The following CELF2 variants were observed in gnomAD, a reference collection of about 807,000 sequenced individuals.
CELF2 encodes CUG triplet repeat RNA-binding protein 2.
Under a neutral mutation model 62.6 loss-of-function variants are expected in CELF2, and 8 were observed. The observed-to-expected ratio is 0.13, with a 90% CI of 0.07 to 0.23. The LOEUF (loss-of-function observed/expected upper bound fraction) is 0.23, where lower values mean the gene tolerates loss of function less well. Among genes scored for constraint, CELF2 ranks in the 10% least tolerant of loss-of-function variants. The pLI is 1.00. For missense variants in CELF2, 333 were observed against 671.0 expected, an observed-to-expected ratio of 0.50 and a Z score of 5.56; for synonymous variants, 258 against 250.0, an observed-to-expected ratio of 1.03 and a Z score of -0.30.
intron 11 of CELF2, among the ~76,000 whole-genome samples, chr10:11,323,430 T>TAATAAG (rs2095552957): frequency 7.3e-6 from 1 of 136,470 alleles, no homozygotes; most frequent in South Asian, 2.4e-4. Context: ...GCAAAAATAA[T>TAATAAG]AATAATAATA....
chr10:10,712,875 C>G, the CELF2 span, among the ~76,000 whole-genome samples: 1 of 152,198 alleles, frequency 6.6e-6, no homozygotes, highest in Non-Finnish European at 1.5e-5. Flanking sequence ...CTGGATGAAT[C>G]CAATCATCTC....
rs1003583580 is a variant in CELF2 at position 11,237,630 on chromosome 10, C to G, written c.355-11523C>G. ...GCATCTCCACACTGGGTGAGGGTTA[C>G]AAGGGAGGCTGGGGGTCAGCCACTC... On this transcript the variant is annotated intron_variant, in intron 3 of 12. Transcript: ENST00000633077. This position sits in a 1 kb window ranked among gnomAD's most constrained non-coding sequence, Gnocchi z 4.0. Among the ~76,000 whole-genome samples the G allele has an allele frequency of 1.3e-5, 2 of 152,184 alleles. No individual in the cohort carries two copies. Among genetic ancestry groups the G allele is most frequent in the African/African-American group, 4.8e-5 (2 of 41,440 alleles).
chr10:11,072,420 T>C (rs1303160202), intron 1 of CELF2, among the ~76,000 whole-genome samples: 4 of 152,346 alleles, frequency 2.6e-5, no homozygotes, highest in African/African-American at 9.6e-5. Context: ...TGGACTGTGT[T>C]TCCTGCATAT....
intron 2 of CELF2, among the ~76,000 whole-genome samples, chr10:11,182,102 G>C (rs1381927299): frequency 1.3e-5 from 2 of 152,228 alleles, no homozygotes; most frequent in Non-Finnish European, 2.9e-5. Flanking sequence ...TGTCATTGGA[G>C]TCTCTTGCCA....
intron 2 of CELF2, among the ~76,000 whole-genome samples, chr10:10,956,282 C>A (rs900994617): frequency 4.6e-5 from 7 of 152,212 alleles, no homozygotes; most frequent in African/African-American, 1.7e-4. Context: ...TGCTCTATTT[C>A]TTCAAGAGAG....
chr10:11,234,679 CAA>C (rs11387214), intron 3 of CELF2, among the ~76,000 whole-genome samples: 9,505 of 82,928 alleles, frequency 0.11, 437 homozygotes, highest in East Asian at 0.26. Context: ...GACTCCATCT[CAA>C]AAAAAAAAAA....
chr10:10,780,454 CGTTTGTTTGTTTGTTTGTTT>C, the CELF2 span, among the ~76,000 whole-genome samples: 3 of 148,958 alleles, frequency 2.0e-5, no homozygotes, highest in Non-Finnish European at 3.0e-5. Context: ...CAGAGGGAAA[CGTTTGTTTGTTTGTTTGTTT>C]GTTTGTTTGT....
At chr10:10,596,654 G>A in the CELF2 span, among the ~76,000 whole-genome samples, 1 of 152,188 alleles carries the variant, frequency 6.6e-6, no homozygotes, top group Non-Finnish European at 1.5e-5. Context: ...AGTCTTCTGG[G>A]GTGAGCGCCT....
At chr10:10,581,270 A>C in the CELF2 span, among the ~76,000 whole-genome samples, 1 of 152,328 alleles carries the variant, frequency 6.6e-6, no homozygotes. Context: ...CCTTTAGCTA[A>C]AATTTCTATA....
intron 1 of CELF2, chr10:11,096,503 ATCT>A (rs2049912974): frequency 6.6e-6 from 1 of 152,240 alleles, no homozygotes; most frequent in African/African-American, 2.4e-5. Context: ...CAAATTAAGT[ATCT>A]TAAATAAAAA....
At chr10:10,630,152 A>G in the CELF2 span, among the ~76,000 whole-genome samples, 1 of 152,064 alleles carries the variant, frequency 6.6e-6, no homozygotes, top group Non-Finnish European at 1.5e-5. Flanking sequence ...TTCCTTTAAC[A>G]CAGACCTATG....
At chr10:11,017,658 C>A (rs1226614086), upstream of CELF2, among the ~76,000 whole-genome samples, 5 of 152,204 alleles carry the variant, frequency 3.3e-5, no homozygotes, top group East Asian at 7.7e-4. This position sits in a 1 kb window ranked among gnomAD's most constrained non-coding sequence, Gnocchi z 5.5. Context: ...ACGGCGGCCT[C>A]TTGCCAGGGA....
Position 11,165,088 on chromosome 10 carries a change from T to C in CELF2, c.75-398T>C. ...GAGGGAGAGAAATCCAGCAGACATC[T>C]AGCTCTGCCTTTCTTTCCCAGCCAC... On this transcript the variant is annotated intron_variant, in intron 1 of 12. Transcript: ENST00000633077. This position sits in a 1 kb window ranked among gnomAD's most constrained non-coding sequence, Gnocchi z 7.4. 1.0e-6 allele frequency: 1 copy of C among 996,930 alleles called. No individual in the cohort carries two copies. Among genetic ancestry groups the C allele is most frequent in the Non-Finnish European group, 1.2e-6 (1 of 836,818 alleles). 61.8% of individuals were successfully genotyped at this position (996,930 alleles called of 1,614,324 possible).
the CELF2 span, among the ~76,000 whole-genome samples, chr10:10,782,813 G>A: frequency 3.3e-5 from 5 of 152,170 alleles, no homozygotes; most frequent in South Asian, 2.1e-4. Context: ...CTCAGCCATC[G>A]TGCCCCCTGG....
At chr10:10,608,810 G>C in the CELF2 span, among the ~76,000 whole-genome samples, 48 of 152,248 alleles carry the variant, frequency 3.2e-4, 1 homozygote, top group East Asian at 8.9e-3. Flanking sequence ...TTCCTCCGTC[G>C]AGAGTAGTGA....
the CELF2 span, among the ~76,000 whole-genome samples, chr10:10,508,660 A>ATG: frequency 0.018 from 2,461 of 140,332 alleles, 27 homozygotes; most frequent in Non-Finnish European, 0.025. Context: ...TCTTAAACAG[A>ATG]TGTGTGTGTG....
At chr10:10,782,033 A>G in the CELF2 span, among the ~76,000 whole-genome samples, 1 of 152,232 alleles carries the variant, frequency 6.6e-6, no homozygotes, top group African/African-American at 2.4e-5. Context: ...GATGATTTAA[A>G]GTATAAGGGA....
upstream of CELF2, among the ~76,000 whole-genome samples, chr10:11,013,542 G>A (rs565670427): frequency 6.6e-6 from 1 of 152,068 alleles, no homozygotes; most frequent in African/African-American, 2.4e-5. The surrounding 1 kb of genome is among the most constrained non-coding windows in gnomAD (Gnocchi z 4.1). Context: ...ATGTATTCTG[G>A]CTCTATGAAA....
intron 1 of CELF2, among the ~76,000 whole-genome samples, chr10:10,905,892 A>G (rs188717657): frequency 5.2e-4 from 79 of 151,074 alleles, no homozygotes; most frequent in African/African-American, 1.7e-3. Context: ...AAGAAAAAAA[A>G]AAAAAGAAAA....
Sources: gnomAD v4.1 joint callset for allele counts (sites outside exome capture counted in the v4.1 genomes callset) on GRCh38, gnomAD v4.1.1 for gene constraint, Gnocchi (gnomAD v3.1) non-coding constraint, MANE v1.5 for transcripts, NCBI Gene and HGNC (gene_info 2026-07-23, HGNC 2026-07-21) for gene names.